ALKBH3: variants seen among roughly 807,000 people sequenced by gnomAD.
ALKBH3 encodes the protein alpha-ketoglutarate-dependent dioxygenase alkB homolog 3.
Under a neutral mutation model 43.9 loss-of-function variants are expected in ALKBH3, and 51 were observed. The ratio of observed to expected loss-of-function variants is 1.16; its 90% CI spans 0.93 to 1.47. The LOEUF is 1.47. ALKBH3 is among the 40% of genes most tolerant of loss of function. ALKBH3 has a pLI of 0.00. For synonymous variants in ALKBH3, 102 were observed against 115.2 expected (o/e 0.89, Z 0.73); for missense variants, 361 against 351.9 (o/e 1.03, Z -0.21).
intron 7 of ALKBH3, chr11:43,899,311 C>T: frequency 1.4e-6 from 1 of 699,336 alleles, no homozygotes; most frequent in Non-Finnish European, 2.7e-6. Context: ...CGGGCCTCTG[C>T]ATCCTGCAGT....
intron 7 of ALKBH3, 49 bp downstream of exon 7, chr11:43,892,178 G>A (rs780348729): frequency 1.4e-6 from 2 of 1,459,072 alleles, no homozygotes; most frequent in Admixed American, 1.7e-5. Flanking sequence ...TATATACTAT[G>A]TGTTGAGTGC....
At chr11:43,896,953 A>T (rs1268924397) in intron 7 of ALKBH3, among the ~76,000 whole-genome samples, 1 of 150,870 alleles carries the variant, frequency 6.6e-6, no homozygotes, top group Non-Finnish European at 1.5e-5. Context: ...TTTTTTTTTT[A>T]GAGACACAGG....
chr11:43,896,795 G>A (rs758109654), intron 7 of ALKBH3, among the ~76,000 whole-genome samples: 3 of 152,182 alleles, frequency 2.0e-5, no homozygotes, highest in Non-Finnish European at 4.4e-5. Flanking sequence ...ATAATGAAAT[G>A]TGTCAGCATT....
At chr11:43,898,588 T>C in intron 7 of ALKBH3, 1 of 756,304 alleles carries the variant, frequency 1.3e-6, no homozygotes, top group Non-Finnish European at 2.5e-6. Context: ...AGTCTTTGTT[T>C]GGCCTATCAG....
Position 43,884,009 on chromosome 11 carries a change from A to G in ALKBH3, c.210A>G (p.Arg70=). 1.2e-6 allele frequency: 2 copies of G among 1,613,992 alleles called. No individual in the cohort carries two copies. Among genetic ancestry groups the G allele is most frequent in the South Asian group, 1.1e-5 (1 of 91,074 alleles). The change falls in exon 4 of 10, where the codon CGA becomes CGG. Residue 70 remains arginine, a synonymous_variant. Coordinates refer to ENST00000302708, the MANE Select transcript of ALKBH3 (RefSeq NM_139178.4). ...QQVVRRAPEP[R]VIDREGVYEI... ...TAGTACGTAGAGCTCCTGAGCCACGAGTGATTGAGTAAGTAATTTGCTGTC... is the reference window on the plus strand; with the variant it reads ...TAGTACGTAGAGCTCCTGAGCCACGGGTGATTGAGTAAGTAATTTGCTGTC...
intron 8 of ALKBH3, among the ~76,000 whole-genome samples, chr11:43,908,147 C>A (rs540071038): frequency 1.3e-5 from 2 of 152,340 alleles, no homozygotes; most frequent in African/African-American, 4.8e-5. Flanking sequence ...GAGCCATGAT[C>A]ACCTTCCACC....
chr11:43,883,214 A>G, intron 3 of ALKBH3, 26 bp downstream of exon 3: 2 of 1,571,930 alleles, frequency 1.3e-6, no homozygotes, highest in South Asian at 1.1e-5. Context: ...TTTCTTCAAT[A>G]GTGATAAAAA....
At chr11:43,881,674 C>T (rs754757097) in intron 1 of ALKBH3, among the ~76,000 whole-genome samples, 1 of 152,182 alleles carries the variant, frequency 6.6e-6, no homozygotes, top group Non-Finnish European at 1.5e-5. Context: ...GATTCCTGGG[C>T]CTGGCTCAGC....
chr11:43,910,391 C>T (rs926121422), intron 8 of ALKBH3: 2 of 152,198 alleles, frequency 1.3e-5, no homozygotes, highest in Admixed American at 6.5e-5. Flanking sequence ...ACCATTCCTT[C>T]TTTGGTGGGG....
chr11:43,902,936 T>C (rs1056813826), intron 8 of ALKBH3, among the ~76,000 whole-genome samples: 11 of 152,334 alleles, frequency 7.2e-5, no homozygotes, highest in African/African-American at 1.7e-4. Flanking sequence ...GACCACATCA[T>C]TATTAGTTCT....
intron 6 of ALKBH3, among the ~76,000 whole-genome samples, chr11:43,891,517 T>G (rs1179345255): frequency 6.6e-6 from 1 of 152,188 alleles, no homozygotes. Context: ...GGATAACTGC[T>G]TCTCTAAATT....
intron 8 of ALKBH3, among the ~76,000 whole-genome samples, chr11:43,911,519 TG>T (rs1951938751): frequency 6.6e-6 from 1 of 152,234 alleles, no homozygotes; most frequent in African/African-American, 2.4e-5. Context: ...ACAACAGGCC[TG>T]GCTGGAGATG....
intron 5 of ALKBH3, among the ~76,000 whole-genome samples, chr11:43,888,924 TTG>T (rs1464818776): frequency 6.6e-6 from 1 of 152,276 alleles, no homozygotes; most frequent in African/African-American, 2.4e-5. Flanking sequence ...TGTGTTTATT[TTG>T]ATACAGTCAT....
chr11:43,882,772 C>A (rs1412620459), intron 2 of ALKBH3, 41 bp downstream of exon 2: 2 of 1,552,706 alleles, frequency 1.3e-6, no homozygotes, highest in Non-Finnish European at 1.7e-6. Flanking sequence ...TGGATATGGA[C>A]AACTCTCATT....
intron 7 of ALKBH3, among the ~76,000 whole-genome samples, chr11:43,896,912 A>G (rs1951822921): frequency 6.6e-6 from 1 of 152,110 alleles, no homozygotes; most frequent in Non-Finnish European, 1.5e-5. Flanking sequence ...GGCTGGACCA[A>G]TGGCTTTATT....
chr11:43,894,924 A>G (rs1951807802), intron 7 of ALKBH3, among the ~76,000 whole-genome samples: 1 of 152,102 alleles, frequency 6.6e-6, no homozygotes, highest in Non-Finnish European at 1.5e-5. Flanking sequence ...GAAACTTCCA[A>G]CTTCTGGAGG....
intron 7 of ALKBH3, among the ~76,000 whole-genome samples, chr11:43,899,870 A>AG (rs1951848849): frequency 8.3e-6 from 1 of 121,030 alleles, no homozygotes; most frequent in African/African-American, 3.1e-5. Context: ...ACGTGGTCTC[A>AG]GGAAAAAAAA....
rs1305508465 is a variant in ALKBH3, at chr11:43,919,963, C to G, written c.814C>G (p.Leu272Val). The G allele has an allele frequency of 6.2e-7, 1 of 1,614,190 alleles. No homozygotes were observed. Among genetic ancestry groups the G allele is most frequent in the Non-Finnish European group, 8.5e-7 (1 of 1,180,024 alleles). ...CCACTCTAGAGAACCGAGAGTGAAC[C>G]TGACCTTTCGGACAGTCTATCCAGA... ...EYHSREPRVNLTFRTVYPDPR... is the reference protein window; with the variant it reads ...EYHSREPRVNVTFRTVYPDPR... Residue 272 changes from leucine (L) to valine (V), a missense_variant, in exon 10 of 10, where the codon CTG becomes GTG. Leu to Val is a conservative substitution (Grantham distance 32). Coordinates refer to ENST00000302708, the MANE Select transcript of ALKBH3 (RefSeq NM_139178.4).
chr11:43,901,772 G>A, intron 8 of ALKBH3, 47 bp downstream of exon 8: 1 of 1,595,042 alleles, frequency 6.3e-7, no homozygotes, highest in Non-Finnish European at 8.6e-7. Flanking sequence ...TTATTAGTCT[G>A]TGGAAAAAGT....
Sources: gnomAD v4.1 joint callset for allele counts (sites outside exome capture counted in the v4.1 genomes callset) on GRCh38, gnomAD v4.1.1 for gene constraint, MANE v1.5 for transcripts, NCBI Gene and HGNC (gene_info 2026-07-23, HGNC 2026-07-21) for gene names.